STK38: variants seen among roughly 807,000 people sequenced by gnomAD.
STK38 encodes the protein serine/threonine-protein kinase 38.
STK38 carries 26 observed loss-of-function variants against 59.0 expected under a neutral mutation model. That is an observed-to-expected ratio of 0.44 (90% CI 0.32 to 0.61). STK38 has a LOEUF of 0.61. STK38 is among the 20% of genes least tolerant of loss of function. STK38 has a pLI of 0.04. For missense variants in STK38, 433 were observed against 566.0 expected (o/e 0.76, Z 2.38); for synonymous variants, 175 against 176.6 (o/e 0.99, Z 0.07).
intron 12 of STK38, among the ~76,000 whole-genome samples, chr6:36,497,443 TTCC>T (rs1360047614): frequency 1.1e-4 from 16 of 152,328 alleles, no homozygotes; most frequent in South Asian, 2.1e-4. Context: ...CAGTGATACC[TTCC>T]ACCCTGTGGG....
At chr6:36,529,245 A>T (rs1486626198) in intron 2 of STK38, among the ~76,000 whole-genome samples, 1 of 152,254 alleles carries the variant, frequency 6.6e-6, no homozygotes, top group African/African-American at 2.4e-5. Flanking sequence ...TTAAAATGAC[A>T]GATGTTTGGA....
At position 36,515,403 on chromosome 6, in the gene STK38, A is replaced by C. The variant is rs1350077656; in HGVS notation, c.604T>G (p.Ser202Ala). 2 of 1,614,036 alleles carry C rather than the reference A, an allele frequency of 1.2e-6. No individual in the cohort carries two copies. Among genetic ancestry groups the C allele is most frequent in the Non-Finnish European group, 1.7e-6 (2 of 1,180,016 alleles). Reference protein sequence around the residue: ...YIAETVLAIDSIHQLGFIHRD... With the variant: ...YIAETVLAIDAIHQLGFIHRD... ...TGGATGAATCCAAGTTGGTGAATAG[A>C]GTCTATGGCTAATACTGTTTCTGCT... The change falls in exon 7 of 14, where the codon TCT becomes GCT. Residue 202 changes from serine to alanine, a missense_variant. Coordinates refer to ENST00000229812, the MANE Select transcript of STK38 (RefSeq NM_007271.4).
intron 7 of STK38, among the ~76,000 whole-genome samples, chr6:36,512,058 C>T (rs933222017): frequency 4.6e-5 from 7 of 151,970 alleles, no homozygotes; most frequent in African/African-American, 1.5e-4. Flanking sequence ...GACTCCACCT[C>T]AAAAACAAAC....
chr6:36,525,493 C>G, intron 3 of STK38, 98 bp downstream of exon 3: 1 of 1,153,212 alleles, frequency 8.7e-7, no homozygotes, highest in Non-Finnish European at 1.3e-6. Flanking sequence ...TGTTATTGAG[C>G]CAAAACCCTT....
At chr6:36,520,311 TG>T (rs1777349100) in intron 5 of STK38, among the ~76,000 whole-genome samples, 1 of 152,254 alleles carries the variant, frequency 6.6e-6, no homozygotes, top group African/African-American at 2.4e-5. Context: ...AAAGTGATTT[TG>T]AAGGCACAAT....
At chr6:36,510,113 C>T (rs1454706864) in intron 7 of STK38, among the ~76,000 whole-genome samples, 5 of 152,204 alleles carry the variant, frequency 3.3e-5, no homozygotes. Flanking sequence ...GCCAGGGACC[C>T]ACCCCTTTCC....
chr6:36,509,353 C>T (rs1376640693), intron 7 of STK38, among the ~76,000 whole-genome samples: 1 of 152,156 alleles, frequency 6.6e-6, no homozygotes, highest in African/African-American at 2.4e-5. Flanking sequence ...GGCAGGTCAT[C>T]CCATCTGCCG....
At chr6:36,537,246 C>T (rs1777814994) in intron 2 of STK38, among the ~76,000 whole-genome samples, 1 of 152,118 alleles carries the variant, frequency 6.6e-6, no homozygotes. Flanking sequence ...ACCAAAATAA[C>T]TAAAACACTG....
At chr6:36,539,742 CTAAT>C (rs937661838) in intron 2 of STK38, among the ~76,000 whole-genome samples, 2 of 129,796 alleles carry the variant, frequency 1.5e-5, no homozygotes, top group Non-Finnish European at 3.2e-5. Context: ...TGGATTGGGC[CTAAT>C]TTTTTTTTTT....
At chr6:36,545,159 G>A (rs913774161) in intron 1 of STK38, among the ~76,000 whole-genome samples, 4 of 151,540 alleles carry the variant, frequency 2.6e-5, no homozygotes, top group African/African-American at 9.7e-5. Context: ...CGGGTGTGGT[G>A]GTGGGCACCT....
chr6:36,499,368 T>G (rs556464432), intron 10 of STK38, among the ~76,000 whole-genome samples: 1 of 152,064 alleles, frequency 6.6e-6, no homozygotes, highest in East Asian at 1.9e-4. Context: ...AGCAGCCAGA[T>G]AGACTCACCC....
chr6:36,527,057 T>C (rs948755462), intron 2 of STK38, among the ~76,000 whole-genome samples: 1 of 151,512 alleles, frequency 6.6e-6, no homozygotes, highest in Admixed American at 6.6e-5. Flanking sequence ...CTAGGCGTGG[T>C]GGCGAGCGCC....
intron 7 of STK38, among the ~76,000 whole-genome samples, chr6:36,510,325 C>T (rs537884129): frequency 2.4e-4 from 37 of 152,352 alleles, no homozygotes; most frequent in Non-Finnish European, 1.2e-4. Context: ...CCCAAGTGTG[C>T]GCACACCTGA....
chr6:36,512,169 T>C (rs1338050767), intron 7 of STK38, among the ~76,000 whole-genome samples: 1 of 152,220 alleles, frequency 6.6e-6, no homozygotes, highest in Non-Finnish European at 1.5e-5. Context: ...CTATAGCTAT[T>C]CTGAATATGC....
At position 36,515,518 on chromosome 6, in the gene STK38, C is replaced by CCACACACA. The variant is rs66494457; in HGVS notation, c.515-34_515-27dup. 1,309 of 1,538,332 alleles carry CCACACACA rather than the reference C, an allele frequency of 8.5e-4. 7 individuals are homozygous for CCACACACA. In the African/African-American group the frequency reaches 0.012, roughly 15 times the overall value. On this transcript the variant is annotated intron_variant, in intron 6 of 13. Coordinates refer to ENST00000229812, the MANE Select transcript of STK38 (RefSeq NM_007271.4). ...CTGGAAACAAGAAGATACAAAGCCA[C>CCACACACA]CACACACACACACACACACACACAC...
At chr6:36,523,827 T>G (rs547267560) in intron 4 of STK38, among the ~76,000 whole-genome samples, 1 of 152,268 alleles carries the variant, frequency 6.6e-6, no homozygotes, top group South Asian at 2.1e-4. Context: ...TTTAGAGCTG[T>G]ATCAATCTGG....
intron 2 of STK38, among the ~76,000 whole-genome samples, chr6:36,538,812 A>G (rs1455485511): frequency 1.3e-5 from 2 of 150,460 alleles, no homozygotes; most frequent in Non-Finnish European, 3.0e-5. Flanking sequence ...GAATCACTTG[A>G]ACCCAGGAGG....
rs1436687009 is a variant in STK38 at position 36,494,523 on chromosome 6, T to C, written c.*1261A>G. 2 of 152,674 alleles carry C rather than the reference T, an allele frequency of 1.3e-5. No individual in the cohort carries two copies. Among genetic ancestry groups the C allele is most frequent in the Non-Finnish European group, 2.9e-5 (2 of 68,056 alleles). The allele number at this position is 152,674 out of a possible 1,614,324, so 9.5% of individuals were successfully genotyped here. On this transcript the variant is annotated 3_prime_UTR_variant, in exon 14 of 14. Coordinates refer to ENST00000229812, the MANE Select transcript of STK38 (RefSeq NM_007271.4). Reference sequence around the variant, plus strand: ...GTGGCAGCTGTGAAACAGAAGGCACTTTGTGCTAAAATTCAGAGGGTCTCT... The same window carrying C: ...GTGGCAGCTGTGAAACAGAAGGCACCTTGTGCTAAAATTCAGAGGGTCTCT...
intron 2 of STK38, among the ~76,000 whole-genome samples, chr6:36,526,113 G>A (rs1777504715): frequency 6.6e-6 from 1 of 151,986 alleles, no homozygotes; most frequent in Non-Finnish European, 1.5e-5. Context: ...TTACAGGTGT[G>A]AGCCACCATG....
Sources: gnomAD v4.1 joint callset for allele counts (sites outside exome capture counted in the v4.1 genomes callset) on GRCh38, gnomAD v4.1.1 for gene constraint, MANE v1.5 for transcripts, NCBI Gene and HGNC (gene_info 2026-07-23, HGNC 2026-07-21) for gene names.